The following FCN2 variants were observed in gnomAD, a reference collection of about 807,000 sequenced individuals.
The protein encoded by FCN2 is ficolin-2.
A neutral mutation model predicts 32.5 loss-of-function variants in FCN2; 31 were observed. The observed-to-expected ratio is 0.96, with a 90% CI of 0.72 to 1.29. The LOEUF (loss-of-function observed/expected upper bound fraction) is 1.29, where lower values mean the gene tolerates loss of function less well. Ranked by LOEUF, FCN2 falls within the 50% of genes most tolerant of loss-of-function variation. The pLI is 0.00. For missense variants in FCN2, 412 were observed against 406.5 expected (o/e 1.01, Z -0.12); for synonymous variants, 181 against 164.5 (o/e 1.10, Z -0.77).
chr9:134,878,960 G>C (rs1830627940), upstream of FCN2, among the ~76,000 whole-genome samples: 1 of 152,058 alleles, frequency 6.6e-6, no homozygotes, highest in Admixed American at 6.5e-5. Flanking sequence ...AATAATTCTT[G>C]GTCCATTCCT....
chr9:134,870,703 C>T, the FCN2 span, among the ~76,000 whole-genome samples: 3 of 152,090 alleles, frequency 2.0e-5, no homozygotes, highest in African/African-American at 7.2e-5. This position sits in a 1 kb window ranked among gnomAD's most constrained non-coding sequence, Gnocchi z 4.3. Context: ...AAGGGGGACA[C>T]GGAGAGCACA....
chr9:134,882,312 C>T (rs1196832107), intron 1 of FCN2, among the ~76,000 whole-genome samples: 1 of 152,208 alleles, frequency 6.6e-6, no homozygotes, highest in Non-Finnish European at 1.5e-5. Context: ...TGACCAGTGC[C>T]CAAGAGGTGA....
chr9:134,866,642 A>G, the FCN2 span, among the ~76,000 whole-genome samples: 12 of 149,968 alleles, frequency 8.0e-5, 1 homozygote, highest in South Asian at 2.4e-3. Flanking sequence ...GACAAATGGG[A>G]TCTAATTAAA....
chr9:134,876,226 TA>T (rs1157971893), upstream of FCN2, among the ~76,000 whole-genome samples: 12 of 152,224 alleles, frequency 7.9e-5, no homozygotes, highest in Admixed American at 5.2e-4. Context: ...AGTCTATAGT[TA>T]TTTTTTTCTT....
the FCN2 span, among the ~76,000 whole-genome samples, chr9:134,873,487 T>G: frequency 6.6e-6 from 1 of 152,190 alleles, no homozygotes. Flanking sequence ...TGACCCTAAC[T>G]CTACTGCTCC....
the FCN2 span, among the ~76,000 whole-genome samples, chr9:134,875,234 G>A: frequency 1.3e-5 from 2 of 152,032 alleles, no homozygotes; most frequent in African/African-American, 4.8e-5. Flanking sequence ...AGAAATGGTG[G>A]GAGTGGACAC....
In FCN2 at chr9:134,880,845, G is replaced by T. The variant is rs948867597; in HGVS notation, c.24G>T (p.Gly8=). The change falls in exon 1 of 8, where the codon GGG becomes GGT. Residue 8 remains glycine, a synonymous_variant. Transcript: ENST00000291744. MELDRAV[G]VLGAATLLLS... The stretch of plus-strand genomic sequence containing the variant: ...AGATGGAGCTGGACAGAGCTGTGGG[G>T]GTCCTGGGCGCTGCCACCCTGCTGC... 1.2e-6 allele frequency: 2 copies of T among 1,613,724 alleles called. No individual in the cohort carries two copies. The highest frequency in any genetic ancestry group is 1.7e-6 in the Non-Finnish European group (2 of 1,179,940).
the FCN2 span, among the ~76,000 whole-genome samples, chr9:134,866,406 T>C: frequency 2.1e-5 from 3 of 146,174 alleles, no homozygotes; most frequent in Admixed American, 6.9e-5. Flanking sequence ...CCCTATTTAA[T>C]AAATGGTGCT....
upstream of FCN2, among the ~76,000 whole-genome samples, chr9:134,878,871 C>T (rs4350050): frequency 0.017 from 2,640 of 152,282 alleles, 164 homozygotes; most frequent in East Asian, 0.15. Context: ...TTAAAAGCTG[C>T]ATTCTGCCTT....
the FCN2 span, among the ~76,000 whole-genome samples, chr9:134,872,973 C>T: frequency 6.6e-6 from 1 of 152,200 alleles, no homozygotes; most frequent in African/African-American, 2.4e-5. Flanking sequence ...ACCAATTTCA[C>T]AGGGGTGTGG....
intron 7 of FCN2, 23 bp from the exon 8 acceptor site, chr9:134,887,145 T>C (rs1830769802): frequency 1.2e-6 from 2 of 1,613,832 alleles, no homozygotes; most frequent in East Asian, 4.5e-5. Context: ...CCTGTAACGA[T>C]GCTCACATTT....
chr9:134,873,131 GT>G, the FCN2 span, among the ~76,000 whole-genome samples: 121,938 of 148,920 alleles, frequency 0.82, 49,846 homozygotes, highest in African/African-American at 0.87. Context: ...TGGAGGGTTA[GT>G]TTTTTTTTTT....
chr9:134,869,725 T>G, the FCN2 span, among the ~76,000 whole-genome samples: 1 of 152,212 alleles, frequency 6.6e-6, no homozygotes, highest in Non-Finnish European at 1.5e-5. Flanking sequence ...CAGGGACCCA[T>G]AAGCCTCTAG....
intron 7 of FCN2, among the ~76,000 whole-genome samples, 166 bp from the exon 8 acceptor site, chr9:134,887,002 G>A (rs928308839): frequency 2.0e-5 from 3 of 152,202 alleles, no homozygotes; most frequent in East Asian, 1.9e-4. Flanking sequence ...GCCAACAGCA[G>A]GGCAGTATTC....
chr9:134,884,604 G>A (rs1830715581), intron 3 of FCN2, 136 bp from the exon 4 acceptor site: 1 of 859,402 alleles, frequency 1.2e-6, no homozygotes, highest in Non-Finnish European at 1.9e-6. Context: ...ACAGAACCAG[G>A]GTCAGGGACT....
At chr9:134,873,141 TTA>T in the FCN2 span, among the ~76,000 whole-genome samples, 1 of 151,558 alleles carries the variant, frequency 6.6e-6, no homozygotes, top group Non-Finnish European at 1.5e-5. Context: ...GTTTTTTTTT[TTA>T]CTGAGTTTGA....
At position 134,880,846 on chromosome 9, in the gene FCN2, G is replaced by C. The variant is rs753866167; in HGVS notation, c.25G>C (p.Val9Leu). 2 of 1,613,592 alleles carry C rather than the reference G, an allele frequency of 1.2e-6. No homozygotes were observed. The highest frequency in any genetic ancestry group is 4.5e-5 in the East Asian group (2 of 44,878). ...GATGGAGCTGGACAGAGCTGTGGGG[G>C]TCCTGGGCGCTGCCACCCTGCTGCT... MELDRAVG[V>L]LGAATLLLSF... The change falls in exon 1 of 8, where the codon GTC becomes CTC. Residue 9 changes from valine (V) to leucine (L), a missense_variant. By Grantham distance (32) the Val-to-Leu change is conservative. Coordinates refer to ENST00000291744, the MANE Select transcript of FCN2 (RefSeq NM_004108.3).
chr9:134,886,729 TG>T (rs1299209254), intron 7 of FCN2, among the ~76,000 whole-genome samples, 165 bp downstream of exon 7: 2 of 152,080 alleles, frequency 1.3e-5, no homozygotes, highest in Admixed American at 1.3e-4. Context: ...CTGTGTAGCA[TG>T]GGGGTCATGG....
chr9:134,881,602 G>T (rs1830664968), intron 1 of FCN2, among the ~76,000 whole-genome samples: 1 of 152,194 alleles, frequency 6.6e-6, no homozygotes, highest in Non-Finnish European at 1.5e-5. Flanking sequence ...TCAGGAATTT[G>T]TGATGCTCCT....
Sources: gnomAD v4.1 joint callset for allele counts (sites outside exome capture counted in the v4.1 genomes callset) on GRCh38, gnomAD v4.1.1 for gene constraint, Gnocchi (gnomAD v3.1) non-coding constraint, MANE v1.5 for transcripts, NCBI Gene and HGNC (gene_info 2026-07-23, HGNC 2026-07-21) for gene names.